TMEM192: variants seen among roughly 807,000 people sequenced by gnomAD.
The protein encoded by TMEM192 is transmembrane protein 192.
Under a neutral mutation model 26.7 loss-of-function variants are expected in TMEM192, and 20 were observed. The observed-to-expected ratio is 0.75, with a 90% confidence interval of 0.53 to 1.09. TMEM192 has a LOEUF of 1.09. Among genes scored for constraint, TMEM192 ranks in the 50% least tolerant of loss-of-function variants. The probability of loss-of-function intolerance (pLI) is 0.00; values close to 1 mark genes in which losing one functional copy is unlikely to be tolerated. For synonymous variants in TMEM192, 124 were observed against 121.0 expected, an observed-to-expected ratio of 1.02 and a Z score of -0.16; for missense variants, 304 against 322.6, an observed-to-expected ratio of 0.94 and a Z score of 0.44.
rs774800771 is a variant in TMEM192 at position 165,090,747 on chromosome 4, A to T, written c.440-2145T>A. 1.5e-4 allele frequency among the ~76,000 whole-genome samples: 23 copies of T among 151,792 alleles called. 1 individual carries two copies. Among genetic ancestry groups the T allele is most frequent in the Non-Finnish European group, 2.8e-4 (19 of 67,966 alleles). On this transcript the variant is annotated intron_variant, in intron 3 of 5. Coordinates refer to ENST00000306480, the MANE Select transcript of TMEM192 (RefSeq NM_001100389.2). ...TGGCGAAACCCTGTCTCCACTAAAA[A>T]TACAAAAACTAGCTGGTGTGGTGGT...
chr4:165,086,797 AG>A lies in TMEM192; in HGVS notation c.575-1110del, dbSNP rs1166767495. Among the ~76,000 whole-genome samples the A allele has an allele frequency of 4.0e-5, 6 of 150,662 alleles. No homozygotes were observed. The East Asian group carries it at 1.2e-3, about 31-fold the overall frequency. On this transcript the variant is annotated intron_variant, in intron 4 of 5. Transcript: ENST00000306480. ...GATCTCACCATCATCCCTGAAGAGCAGGCTAGGTAGAGGCCATTCAAGGAGA... is the reference window on the plus strand; with the variant it reads ...GATCTCACCATCATCCCTGAAGAGCAGCTAGGTAGAGGCCATTCAAGGAGA...
intron 5 of TMEM192, among the ~76,000 whole-genome samples, chr4:165,081,508 T>C (rs1398597875): frequency 6.5e-5 from 5 of 77,276 alleles, no homozygotes; most frequent in South Asian, 6.6e-4. Context: ...CTCAGCCTCC[T>C]GAGTAGCTGG....
chr4:165,079,632 C>T lies in TMEM192; in HGVS notation c.*26G>A. On this transcript the variant is annotated 3_prime_UTR_variant, in exon 6 of 6. Coordinates refer to ENST00000306480, the MANE Select transcript of TMEM192 (RefSeq NM_001100389.2). ...GTCTCAATTACTCTGGGTTCCTCTG[C>T]AATTGCTGTCATGACCGTGAGCCTC... 1.3e-6 allele frequency: 2 copies of T among 1,593,436 alleles called. No homozygotes were observed. The highest frequency in any genetic ancestry group is 1.7e-6 in the Non-Finnish European group (2 of 1,168,472).
At chr4:165,095,548 T>C (rs1222430556) in intron 3 of TMEM192, among the ~76,000 whole-genome samples, 1 of 152,126 alleles carries the variant, frequency 6.6e-6, no homozygotes, top group Admixed American at 6.6e-5. Context: ...GGTCCTACAA[T>C]TCCTGCCAGG....
intron 3 of TMEM192, among the ~76,000 whole-genome samples, chr4:165,099,118 T>C (rs1302161395): frequency 3.0e-4 from 45 of 149,842 alleles, no homozygotes; most frequent in African/African-American, 1.1e-3. Context: ...TTTTTTTTTT[T>C]TTTTGAGATG....
rs1195731507 is a variant in TMEM192, at chr4:165,073,748, C to T, written c.*5910G>A. The T allele has an allele frequency of 6.6e-6, 1 of 152,206 alleles. No individual in the cohort carries two copies. Among genetic ancestry groups the T allele is most frequent in the Non-Finnish European group, 1.5e-5 (1 of 68,050 alleles). The allele number at this position is 152,206 out of a possible 1,614,324, so 9.4% of individuals were successfully genotyped here. On this transcript the variant is annotated 3_prime_UTR_variant, in exon 6 of 6. Transcript: ENST00000306480. ...GAGATATGCTGGCAGCAATACTGCT[C>T]TGTTACTCTTTGCTACACTGAAATG...
At position 165,112,733 on chromosome 4, in the gene TMEM192, C is replaced by T; in HGVS notation, c.27+14G>A. ...GATTCCGGGGCCAACCGCCCGCCGC[C>T]TCCGTGCACTCACGTCCTCCATCCT... On this transcript the variant is annotated intron_variant, in intron 1 of 5. Transcript: ENST00000306480. 1 of 1,609,242 alleles carries T rather than the reference C, an allele frequency of 6.2e-7. No homozygotes were observed. Among genetic ancestry groups the T allele is most frequent in the Non-Finnish European group, 8.5e-7 (1 of 1,179,224 alleles).
chr4:165,112,851 G>A lies in TMEM192; in HGVS notation c.-78C>T. On this transcript the variant is annotated 5_prime_UTR_variant, in exon 1 of 6. Transcript: ENST00000306480. The stretch of plus-strand genomic sequence containing the variant: ...CTGTAAGCCTCTGGCCGCGAAACTC[G>A]CCACCTTCTGGGACCTGCCAGGCCC... 3.2e-6 allele frequency: 5 copies of A among 1,551,120 alleles called. No homozygotes were observed. The highest frequency in any genetic ancestry group is 2.8e-5 in the African/African-American group (2 of 72,388).
intron 3 of TMEM192, among the ~76,000 whole-genome samples, chr4:165,093,714 A>C (rs915933871): frequency 1.8e-4 from 28 of 152,260 alleles, no homozygotes; most frequent in African/African-American, 6.7e-4. Context: ...CCAGTTATAC[A>C]GTTATACAGT....
At chr4:165,093,493 C>T (rs1275350378) in intron 3 of TMEM192, among the ~76,000 whole-genome samples, 1 of 152,114 alleles carries the variant, frequency 6.6e-6, no homozygotes, top group Admixed American at 6.6e-5. Flanking sequence ...AGGTACTGGG[C>T]AAATCCTATG....
intron 1 of TMEM192, among the ~76,000 whole-genome samples, chr4:165,105,249 T>C (rs1377527798): frequency 6.6e-6 from 1 of 152,220 alleles, no homozygotes; most frequent in Non-Finnish European, 1.5e-5. Context: ...ATTTGCTAGA[T>C]GAATGAATGA....
chr4:165,103,101 G>T lies in TMEM192; in HGVS notation c.28-5C>A. On this transcript the variant is annotated splice_polypyrimidine_tract_variant and splice_region_variant and intron_variant, in intron 1 of 5. Transcript: ENST00000306480. ...CTGGGTGATATCCAAGGAACCCTGG[G>T]GTGCAGAAAAACAAGCAACCTATAA... The T allele has an allele frequency of 1.3e-6, 2 of 1,593,196 alleles. No homozygotes were observed. The highest frequency in any genetic ancestry group is 1.7e-6 in the Non-Finnish European group (2 of 1,171,326).
chr4:165,098,890 T>A (rs1206196779), intron 3 of TMEM192, among the ~76,000 whole-genome samples: 3 of 147,466 alleles, frequency 2.0e-5, no homozygotes, highest in Admixed American at 6.8e-5. Context: ...TTAGTAGAGA[T>A]GAGGTTTCAC....
intron 2 of TMEM192, among the ~76,000 whole-genome samples, chr4:165,101,122 A>G (rs12507683): frequency 0.33 from 49,190 of 150,148 alleles, 9,760 homozygotes; most frequent in African/African-American, 0.57. Context: ...GACTACAGGC[A>G]CCCGCCACCA....
intron 1 of TMEM192, among the ~76,000 whole-genome samples, chr4:165,109,312 A>G (rs1220344722): frequency 6.6e-6 from 1 of 152,174 alleles, no homozygotes; most frequent in African/African-American, 2.4e-5. Context: ...AGAAAGAAAG[A>G]CTGCTCAACT....
chr4:165,075,573 ATT>A lies in TMEM192; in HGVS notation c.*4083_*4084del, dbSNP rs70952698. The A allele has an allele frequency of 8.1e-5, 11 of 135,752 alleles. No individual in the cohort carries two copies. The highest frequency in any genetic ancestry group is 2.3e-4 in the East Asian group (1 of 4,444). The allele number at this position is 135,752 out of a possible 1,614,324, so 8.4% of individuals were successfully genotyped here. A position where few individuals can be genotyped will look rare whatever the true frequency, so the allele number is the denominator to read the frequency against. On this transcript the variant is annotated 3_prime_UTR_variant, in exon 6 of 6. Transcript: ENST00000306480. ...CCAGCCGAAATACAAAATTTTTAGT[ATT>A]TTTTTTTTTTTTTGAGATGGAGCCT...
At chr4:165,089,040 CAAAAAAAAAAAAAAAAA>C (rs56000323) in intron 3 of TMEM192, among the ~76,000 whole-genome samples, 2 of 47,290 alleles carry the variant, frequency 4.2e-5, no homozygotes, top group African/African-American at 1.8e-4. Context: ...GACCCTACTG[CAAAAAAAAAAAAAAAAA>C]AAAAAAAAAG....
rs939428018 is a variant in TMEM192 at position 165,073,563 on chromosome 4, TGAG to T, written c.*6092_*6094del. The T allele has an allele frequency of 5.3e-5, 8 of 151,940 alleles. No individual in the cohort carries two copies. The highest frequency in any genetic ancestry group is 3.4e-3 in the Middle Eastern group (1 of 290). The allele number at this position is 151,940 out of a possible 1,614,324, so 9.4% of individuals were successfully genotyped here. On this transcript the variant is annotated 3_prime_UTR_variant, in exon 6 of 6. Coordinates refer to ENST00000306480, the MANE Select transcript of TMEM192 (RefSeq NM_001100389.2). ...CCCGACACCTGTAAAGGGTCTGTGCTGAGGAGGAGTAGTGAAAGAGGGAGGCCT... is the reference window on the plus strand; with the variant it reads ...CCCGACACCTGTAAAGGGTCTGTGCTGAGGAGTAGTGAAAGAGGGAGGCCT...
In TMEM192 at chr4:165,072,229, AAAAG is replaced by A. The variant is rs367703340; in HGVS notation, c.*7425_*7428del. ...CACGAGTGAGACTCCATCTCAAGAA[AAAAG>A]AAAGAAAGAAAAAGAAAAAGAAAAA... On this transcript the variant is annotated 3_prime_UTR_variant, in exon 6 of 6. Transcript: ENST00000306480. The A allele has an allele frequency of 5.4e-4, 82 of 151,318 alleles. 2 individuals carry two copies. In the East Asian group the frequency reaches 0.014, roughly 26 times the overall value. 9.4% of individuals were successfully genotyped at this position (151,318 alleles called of 1,614,324 possible).
Sources: allele counts gnomAD v4.1 joint callset (sites outside exome capture counted in the v4.1 genomes callset), GRCh38; gene constraint gnomAD v4.1.1; transcripts MANE v1.5; gene names NCBI Gene and HGNC (gene_info 2026-07-23, HGNC 2026-07-21).